ZNF548: variants seen among roughly 807,000 people sequenced by gnomAD.
ZNF548 encodes the protein zinc finger protein 548.
Under a neutral mutation model 10.2 loss-of-function variants are expected in ZNF548, and 10 were observed. That is an observed-to-expected ratio of 0.98 (90% CI 0.60 to 1.66). The LOEUF is 1.66. ZNF548 is among the 40% of genes most tolerant of loss of function. The probability of loss-of-function intolerance (pLI) is 0.00; values close to 1 mark genes in which losing one functional copy is unlikely to be tolerated. For missense variants in ZNF548, 599 were observed against 657.0 expected (o/e 0.91, Z 0.97); for synonymous variants, 217 against 223.5 (o/e 0.97, Z 0.26).
intron 1 of ZNF548, chr19:57,393,059 T>C (rs1276482365): frequency 5.9e-6 from 5 of 848,242 alleles, no homozygotes; most frequent in Non-Finnish European, 7.1e-6. Context: ...GAAATGTTAT[T>C]GAGGCTGGTG....
rs749538455 is a variant in ZNF548, at chr19:57,399,217, G to C, written c.966G>C (p.Glu322Asp). ...QRVHTGERPYECRECGKFFMD... is the reference protein window; with the variant it reads ...QRVHTGERPYDCRECGKFFMD... ...TTCACACCGGAGAAAGGCCGTATGA[G>C]TGCAGGGAATGTGGGAAATTCTTTA... Residue 322 changes from glutamate (E) to aspartate (D), a missense_variant, in exon 4 of 4, where the codon GAG becomes GAC. Transcript: ENST00000336128. This position sits in a 1 kb window ranked among gnomAD's most constrained non-coding sequence, Gnocchi z 4.0. The C allele has an allele frequency of 1.1e-5, 18 of 1,613,982 alleles. No homozygotes were observed. Among genetic ancestry groups the C allele is most frequent in the African/African-American group, 2.7e-5 (2 of 74,890 alleles).
chr19:57,394,026 C>G, intron 1 of ZNF548, 162 bp from the exon 2 acceptor site: 2 of 749,566 alleles, frequency 2.7e-6, no homozygotes, highest in South Asian at 3.2e-5. Flanking sequence ...GGGTTTGGTT[C>G]TTTTCCATGG....
chr19:57,398,815 C>T lies in ZNF548; in HGVS notation c.564C>T (p.Ser188=), dbSNP rs777005901. The change falls in exon 4 of 4, where the codon AGC becomes AGT. Residue 188 remains serine (S), a synonymous_variant. Coordinates refer to ENST00000336128, the MANE Select transcript of ZNF548 (RefSeq NM_001172773.2). ...SCLLQHQGPQ[S]EWKPYRDTED... is the part of the protein sequence containing the mutation. ...TTCTCCAGCACCAGGGCCCTCAAAG[C>T]GAGTGGAAGCCATACAGGGACACAG... is the stretch of plus-strand genomic sequence containing the variant. The T allele has an allele frequency of 1.5e-5, 25 of 1,613,890 alleles. No individual in the cohort carries two copies. Among genetic ancestry groups the T allele is most frequent in the East Asian group, 8.9e-5 (4 of 44,898 alleles).
At chr19:57,398,326 A>T in intron 3 of ZNF548, 104 bp from the exon 4 acceptor site, 1 of 1,545,688 alleles carries the variant, frequency 6.5e-7, no homozygotes, top group Non-Finnish European at 8.7e-7. Flanking sequence ...GATGTCCCCA[A>T]TCCCATGGCC....
rs1197281219 is a variant in ZNF548 at position 57,390,114 on chromosome 19, G to C, written c.15G>C (p.Glu5Asp). The change falls in exon 1 of 4, where the codon GAG becomes GAC. Residue 5 changes from glutamate to aspartate, a missense_variant and splice_region_variant. Transcript: ENST00000336128. ...AGGCCTTGCTGATGAACCTGACTGA[G>C]GTGGGTGTCCCGTCCCAGGCTCCCC... MNLT[E>D]GPLAMAEMDP... is the part of the protein sequence containing the mutation. The C allele has an allele frequency of 6.2e-7, 1 of 1,608,268 alleles. No individual in the cohort carries two copies. Among genetic ancestry groups the C allele is most frequent in the Non-Finnish European group, 8.5e-7 (1 of 1,179,420 alleles).
At chr19:57,390,197 C>T in intron 1 of ZNF548, 83 bp downstream of exon 1, 1 of 1,504,272 alleles carries the variant, frequency 6.6e-7, no homozygotes, top group Non-Finnish European at 9.0e-7. Context: ...AGGTCAGGCC[C>T]CTTGTCCCGA....
rs781705875 is a variant in ZNF548, at chr19:57,399,086, C to T, written c.835C>T (p.Arg279Ter). 3.1e-6 allele frequency: 5 copies of T among 1,614,032 alleles called. No homozygotes were observed. The highest frequency in any genetic ancestry group is 3.4e-6 in the Non-Finnish European group (4 of 1,179,996). ...TGGAAAATCCTTTATGTACAACTAC[C>T]GACTCATGAGACATAAGCGAGTTCA... Reference protein sequence around the residue: ...ECGKSFMYNYRLMRHKRVHTG... With the variant: ...ECGKSFMYNY The change falls in exon 4 of 4, where the codon CGA (arginine) becomes TGA (stop). Residue 279 changes from arginine (R) to a stop codon, truncating the protein, a stop_gained. Transcript: ENST00000336128. LOFTEE classifies it low-confidence loss of function (END_TRUNC). The surrounding 1 kb of genome is among the most constrained non-coding windows in gnomAD (Gnocchi z 4.0).
chr19:57,401,242 C>G lies in ZNF548; in HGVS notation c.*1353C>G, dbSNP rs951690080. The G allele has an allele frequency of 9.2e-5, 14 of 152,104 alleles. No homozygotes were observed. The highest frequency in any genetic ancestry group is 7.9e-4 in the Admixed American group (12 of 15,270). 9.4% of individuals were successfully genotyped at this position (152,104 alleles called of 1,614,324 possible). On this transcript the variant is annotated 3_prime_UTR_variant, in exon 4 of 4. Transcript: ENST00000336128. The stretch of plus-strand genomic sequence containing the variant: ...TCTTTCTGTCTGTGGGTTCTGTATT[C>G]ATGGATCGAAGCAACCATGGATCAA...
At chr19:57,391,733 T>A (rs1355597054) in intron 1 of ZNF548, among the ~76,000 whole-genome samples, 1 of 151,870 alleles carries the variant, frequency 6.6e-6, no homozygotes, top group Non-Finnish European at 1.5e-5. Flanking sequence ...TTTTTTTATA[T>A]GCCTGCTTGC....
At chr19:57,393,993 G>A in intron 1 of ZNF548, 195 bp from the exon 2 acceptor site, 1 of 653,724 alleles carries the variant, frequency 1.5e-6, no homozygotes, top group Non-Finnish European at 2.7e-6. Context: ...TCTATTTACA[G>A]ATGGAGACAC....
chr19:57,390,180 GC>G, intron 1 of ZNF548, 66 bp downstream of exon 1: 1 of 1,568,506 alleles, frequency 6.4e-7, no homozygotes. Context: ...CCCTGAAGGG[GC>G]CCTGCAGGTC....
In ZNF548 at chr19:57,389,986, C is replaced by T; in HGVS notation, c.-114C>T. The T allele has an allele frequency of 7.3e-7, 1 of 1,372,492 alleles. No individual in the cohort carries two copies. The highest frequency in any genetic ancestry group is 2.1e-5 in the Admixed American group (1 of 48,388). 85.0% of individuals were successfully genotyped at this position (1,372,492 alleles called of 1,614,324 possible). ...GCGCGAGAAGCGGCTCGGTTCCCACCACGGAGAGGCGGGAGTGAGTCAACT... is the reference window on the plus strand; with the variant it reads ...GCGCGAGAAGCGGCTCGGTTCCCACTACGGAGAGGCGGGAGTGAGTCAACT... On this transcript the variant is annotated 5_prime_UTR_variant, in exon 1 of 4. Transcript: ENST00000336128.
rs1215179244 is a variant in ZNF548, at chr19:57,401,170, T to C, written c.*1281T>C. 3 of 152,220 alleles carry C rather than the reference T, an allele frequency of 2.0e-5. No homozygotes were observed. Among genetic ancestry groups the C allele is most frequent in the Admixed American group, 1.3e-4 (2 of 15,288 alleles). The allele number at this position is 152,220 out of a possible 1,614,324, so 9.4% of individuals were successfully genotyped here. On this transcript the variant is annotated 3_prime_UTR_variant, in exon 4 of 4. Transcript: ENST00000336128. ...GTCCATAGGTTGCTTTTTCGCTCTG[T>C]TGATTGTGTCCTTTGATGAAATTTT... is the stretch of plus-strand genomic sequence containing the variant.
chr19:57,396,859 T>A (rs906672396), intron 2 of ZNF548, 189 bp from the exon 3 acceptor site: 5 of 792,032 alleles, frequency 6.3e-6, no homozygotes, highest in African/African-American at 5.2e-5. Context: ...CTGGGTTGAT[T>A]TAGAGTACGG....
intron 3 of ZNF548, 84 bp downstream of exon 3, chr19:57,397,258 T>C: frequency 6.8e-7 from 1 of 1,469,480 alleles, no homozygotes; most frequent in South Asian, 1.6e-5. Context: ...TTTCCCACAG[T>C]GAGACCGTGG....
rs764594593 is a variant in ZNF548, at chr19:57,390,071, C to G, written c.-29C>G. The G allele has an allele frequency of 1.9e-6, 3 of 1,608,278 alleles. No homozygotes were observed. Among genetic ancestry groups the G allele is most frequent in the African/African-American group, 2.7e-5 (2 of 74,924 alleles). On this transcript the variant is annotated 5_prime_UTR_variant, in exon 1 of 4. Coordinates refer to ENST00000336128, the MANE Select transcript of ZNF548 (RefSeq NM_001172773.2). ...CCTTTGTCGCTCCCGCCCCGCTCTT[C>G]CCTGGCTGGGCTGGCGGAGGCCTTG...
Position 57,399,141 on chromosome 19 carries a change from CAT to C in ZNF548, c.891_892del (p.Cys298TrpfsTer12), listed in dbSNP as rs756037270. 182 of 1,609,404 alleles carry C rather than the reference CAT, an allele frequency of 1.1e-4. No homozygotes were observed. Among genetic ancestry groups the C allele is most frequent in the African/African-American group, 2.0e-4 (15 of 73,378 alleles). On this transcript the variant is annotated frameshift_variant, in exon 4 of 4. Transcript: ENST00000336128. LOFTEE classifies it low-confidence loss of function (END_TRUNC). This position sits in a 1 kb window ranked among gnomAD's most constrained non-coding sequence, Gnocchi z 4.0. ...GGAGAAAGGCCTTATGAGTGCAACA[CAT>C]GTGGGAAATTCTTTCGGTACAGCTC...
In ZNF548 at chr19:57,390,016, A is replaced by G. The variant is rs1338412985; in HGVS notation, c.-84A>G. The G allele has an allele frequency of 1.3e-6, 2 of 1,511,330 alleles. No individual in the cohort carries two copies. Among genetic ancestry groups the G allele is most frequent in the Non-Finnish European group, 1.8e-6 (2 of 1,122,888 alleles). The allele number at this position is 1,511,330 out of a possible 1,614,324, so 93.6% of individuals were successfully genotyped here. On this transcript the variant is annotated 5_prime_UTR_variant, in exon 1 of 4. Coordinates refer to ENST00000336128, the MANE Select transcript of ZNF548 (RefSeq NM_001172773.2). ...AGAGGCGGGAGTGAGTCAACTGACA[A>G]GCGCTGGGGACAGTGGCGTCCTTGT...
At chr19:57,397,440 G>A in intron 3 of ZNF548, 1 of 437,932 alleles carries the variant, frequency 2.3e-6, no homozygotes, top group Non-Finnish European at 4.0e-6. Flanking sequence ...CACCAGCCTT[G>A]TCTGTCCCTG....
Sources: gnomAD v4.1 joint callset for allele counts (sites outside exome capture counted in the v4.1 genomes callset) on GRCh38, gnomAD v4.1.1 for gene constraint, Gnocchi (gnomAD v3.1) non-coding constraint, MANE v1.5 for transcripts, NCBI Gene and HGNC (gene_info 2026-07-23, HGNC 2026-07-21) for gene names.